The following PDE8B variants were observed in gnomAD, a reference collection of about 807,000 sequenced individuals.
PDE8B encodes the protein phosphodiesterase 8B, also known as high affinity cAMP-specific and IBMX-insensitive 3',5'-cyclic phosphodiesterase 8B.
PDE8B carries 26 observed loss-of-function variants against 101.3 expected under a neutral mutation model. That is an observed-to-expected ratio of 0.26 (90% CI 0.19 to 0.36). The LOEUF (loss-of-function observed/expected upper bound fraction) is 0.36. Ranked by LOEUF, PDE8B falls within the 10% of genes least tolerant of loss-of-function variation. The pLI, the probability that PDE8B is intolerant of heterozygous loss-of-function variation, is 1.00. For synonymous variants in PDE8B, 424 were observed against 429.3 expected (o/e 0.99, Z 0.15); for missense variants, 810 against 1,163.1 (o/e 0.70, Z 4.42).
In PDE8B at chr5:77,334,889, T is replaced by G. The variant is rs565243933; in HGVS notation, c.709-2338T>G. On this transcript the variant is annotated intron_variant, in intron 5 of 21. Transcript: ENST00000264917. Reference sequence around the variant, plus strand: ...AAAGCCTTCTATGATCAAATAAGTTTGGGGAATCAGTGAAAACTCAGTTTC... The same window carrying G: ...AAAGCCTTCTATGATCAAATAAGTTGGGGGAATCAGTGAAAACTCAGTTTC... Among the ~76,000 whole-genome samples the G allele has an allele frequency of 1.8e-4, 28 of 152,330 alleles. 1 individual carries two copies. Among genetic ancestry groups the G allele is most frequent in the African/African-American group, 6.0e-4 (25 of 41,578 alleles).
the PDE8B span, among the ~76,000 whole-genome samples, chr5:77,106,967 A>G: frequency 2.0e-5 from 3 of 152,120 alleles, no homozygotes; most frequent in African/African-American, 7.2e-5. Flanking sequence ...TTTGTTACAT[A>G]TGTATACATG....
At chr5:77,297,057 G>A (rs1330186694) in intron 1 of PDE8B, among the ~76,000 whole-genome samples, 1 of 152,114 alleles carries the variant, frequency 6.6e-6, no homozygotes, top group African/African-American at 2.4e-5. Context: ...ACAAAGGCAG[G>A]GGCCTTTGTA....
intron 10 of PDE8B, among the ~76,000 whole-genome samples, chr5:77,387,284 T>C (rs1461482469): frequency 5.3e-5 from 8 of 152,206 alleles, no homozygotes; most frequent in African/African-American, 1.9e-4. Flanking sequence ...TCTCGGTATT[T>C]GCTTGTCTGT....
chr5:77,262,723 T>C (rs920198100), intron 1 of PDE8B, among the ~76,000 whole-genome samples: 3 of 152,222 alleles, frequency 2.0e-5, no homozygotes, highest in African/African-American at 7.2e-5. Flanking sequence ...AATATGCCAG[T>C]GTCTGGAAAC....
At chr5:77,311,009 C>T (rs1272623155) in intron 1 of PDE8B, among the ~76,000 whole-genome samples, 1 of 152,094 alleles carries the variant, frequency 6.6e-6, no homozygotes, top group Non-Finnish European at 1.5e-5. Context: ...GCTCCCATGG[C>T]CCTTGGGTCA....
chr5:77,228,068 C>A (rs1416732418), intron 1 of PDE8B, among the ~76,000 whole-genome samples: 2 of 152,136 alleles, frequency 1.3e-5, no homozygotes, highest in Non-Finnish European at 2.9e-5. Flanking sequence ...AGGGCAGGGT[C>A]TTATCTGAAA....
chr5:77,391,883 T>C (rs1214321933), intron 10 of PDE8B, among the ~76,000 whole-genome samples: 1 of 152,256 alleles, frequency 6.6e-6, no homozygotes, highest in Non-Finnish European at 1.5e-5. Flanking sequence ...AAAAATCACT[T>C]GTTTTTGTGT....
intron 1 of PDE8B, among the ~76,000 whole-genome samples, chr5:77,294,082 G>T (rs1007218922): frequency 6.6e-6 from 1 of 151,748 alleles, no homozygotes. Flanking sequence ...TTCTTTCATG[G>T]ATCCTGCTCT....
chr5:77,338,926 G>A (rs1778672624), intron 6 of PDE8B, among the ~76,000 whole-genome samples: 1 of 152,136 alleles, frequency 6.6e-6, no homozygotes, highest in African/African-American at 2.4e-5. Flanking sequence ...TATGTTAGGT[G>A]CCAGGAGATG....
chr5:77,219,765 A>G (rs747528705), intron 1 of PDE8B, among the ~76,000 whole-genome samples: 3 of 152,204 alleles, frequency 2.0e-5, no homozygotes, highest in African/African-American at 4.8e-5. Context: ...CAAGGAAACA[A>G]AAGCCACCAA....
chr5:77,211,115 G>A lies in PDE8B; in HGVS notation c.190G>A (p.Val64Ile). The change falls in exon 1 of 22, where the codon GTA becomes ATA. Residue 64 changes from valine to isoleucine, a missense_variant. This residue lies in a region of PDE8B where 159 missense variants were observed against 146.6 expected (regional missense o/e 1.08). Transcript: ENST00000264917. This position sits in a 1 kb window ranked among gnomAD's most constrained non-coding sequence, Gnocchi z 4.1. ...GAGCCGCGCGTCGGGACCCCCCAGC[G>A]TAGCCCGCGTCCGCAGGGCCCGCAC... ...PPSRASGPPS[V>I]ARVRRARTEL... is the part of the protein sequence containing the mutation. 2 of 1,504,274 alleles carry A rather than the reference G, an allele frequency of 1.3e-6. No individual in the cohort carries two copies. The highest frequency in any genetic ancestry group is 1.8e-6 in the Non-Finnish European group (2 of 1,133,944). The allele number at this position is 1,504,274 out of a possible 1,614,324, so 93.2% of individuals were successfully genotyped here.
intron 1 of PDE8B, among the ~76,000 whole-genome samples, chr5:77,258,856 C>A (rs77609742): frequency 0.069 from 10,486 of 151,990 alleles, 424 homozygotes; most frequent in African/African-American, 0.1. Flanking sequence ...GTCTCAGCTC[C>A]CTGGCTTTTC....
At chr5:77,232,352 C>G (rs1055763915) in intron 1 of PDE8B, among the ~76,000 whole-genome samples, 12 of 152,166 alleles carry the variant, frequency 7.9e-5, no homozygotes, top group African/African-American at 2.7e-4. Flanking sequence ...CAGAGAGGGC[C>G]ACACTGTCTT....
rs115650570 is a variant in PDE8B, at chr5:77,390,585, T to C, written c.1168-9663T>C. Among the ~76,000 whole-genome samples the C allele has an allele frequency of 9.3e-3, 1,422 of 152,314 alleles. 27 individuals carry two copies. The highest frequency in any genetic ancestry group is 0.033 in the African/African-American group (1,372 of 41,570). ...CAGAGAGACTGACTGGCATGGGGCA[T>C]TGATGCCATTGAATCCCCGTCCCTT... is the stretch of plus-strand genomic sequence containing the variant. On this transcript the variant is annotated intron_variant, in intron 10 of 21. Coordinates refer to ENST00000264917, the MANE Select transcript of PDE8B (RefSeq NM_003719.5).
At chr5:77,413,434 T>G in intron 17 of PDE8B, 125 bp downstream of exon 17, 2 of 810,498 alleles carry the variant, frequency 2.5e-6, no homozygotes, top group East Asian at 5.3e-5. Context: ...AAAAAAAAAT[T>G]TTGTTACCAA....
the PDE8B span, among the ~76,000 whole-genome samples, chr5:77,179,250 G>A: frequency 6.0e-3 from 910 of 152,270 alleles, 11 homozygotes; most frequent in African/African-American, 0.02. Flanking sequence ...ATTTTTCCTC[G>A]TTTTATTTCT....
At chr5:77,314,875 A>G (rs1284954924) in intron 2 of PDE8B, among the ~76,000 whole-genome samples, 1 of 152,144 alleles carries the variant, frequency 6.6e-6, no homozygotes, top group Non-Finnish European at 1.5e-5. Flanking sequence ...AATTTTAGCT[A>G]TTCTGGTGGA....
intron 9 of PDE8B, among the ~76,000 whole-genome samples, 187 bp from the exon 10 acceptor site, chr5:77,353,159 T>A (rs1413276283): frequency 6.6e-6 from 1 of 152,184 alleles, no homozygotes; most frequent in Non-Finnish European, 1.5e-5. Flanking sequence ...GAGGCCCAGT[T>A]TCCAAAGGCA....
At chr5:77,400,648 C>G (rs1346396205) in intron 11 of PDE8B, among the ~76,000 whole-genome samples, 1 of 152,152 alleles carries the variant, frequency 6.6e-6, no homozygotes, top group Non-Finnish European at 1.5e-5. Context: ...CAACCGTGTC[C>G]AGTCTCCCTT....
Sources: gnomAD v4.1 joint callset for allele counts (sites outside exome capture counted in the v4.1 genomes callset) on GRCh38, gnomAD v4.1.1 for gene constraint, gnomAD v4.1.1 regional missense constraint, Gnocchi (gnomAD v3.1) non-coding constraint, MANE v1.5 for transcripts, NCBI Gene and HGNC (gene_info 2026-07-23, HGNC 2026-07-21) for gene names.